PACS1: variants seen among roughly 807,000 people sequenced by gnomAD.
PACS1 encodes phosphofurin acidic cluster sorting protein 1.
Under a neutral mutation model 115.0 loss-of-function variants are expected in PACS1, and 24 were observed. That is an observed-to-expected ratio of 0.21 (90% CI 0.15 to 0.29). PACS1 has a LOEUF of 0.29. Ranked by LOEUF, PACS1 falls within the 10% of genes least tolerant of loss-of-function variation. The pLI is 1.00. For synonymous variants in PACS1, 453 were observed against 504.5 expected (o/e 0.90, Z 1.37); for missense variants, 838 against 1,251.2 (o/e 0.67, Z 4.98).
chr11:66,227,255 G>A (rs761623636), intron 10 of PACS1, among the ~76,000 whole-genome samples: 14 of 152,118 alleles, frequency 9.2e-5, no homozygotes, highest in Non-Finnish European at 1.9e-4. Flanking sequence ...GTGACACCTC[G>A]TGGAGTCAGA....
chr11:66,158,979 C>T (rs1565128393), intron 1 of PACS1, among the ~76,000 whole-genome samples: 1 of 152,100 alleles, frequency 6.6e-6, no homozygotes, highest in Non-Finnish European at 1.5e-5. Flanking sequence ...AGAGAAAAGT[C>T]ACATAAAAAT....
chr11:66,221,074 A>G, intron 9 of PACS1, 80 bp from the exon 10 acceptor site: 1 of 1,364,776 alleles, frequency 7.3e-7, no homozygotes, highest in Non-Finnish European at 1.0e-6. Context: ...ACCCACCCTG[A>G]ATGCCAGCTC....
chr11:66,093,083 T>C (rs1321754211), intron 1 of PACS1, among the ~76,000 whole-genome samples: 4 of 151,462 alleles, frequency 2.6e-5, no homozygotes, highest in African/African-American at 9.8e-5. Context: ...GGGGATGGCA[T>C]TGAATCTATA....
chr11:66,085,022 G>C (rs967145858), intron 1 of PACS1, among the ~76,000 whole-genome samples: 4 of 152,174 alleles, frequency 2.6e-5, no homozygotes, highest in Non-Finnish European at 5.9e-5. Context: ...TGTGTTTGCT[G>C]TCTGGTGTCC....
At chr11:66,113,718 A>G (rs940856437) in intron 1 of PACS1, among the ~76,000 whole-genome samples, 3 of 152,220 alleles carry the variant, frequency 2.0e-5, no homozygotes, top group African/African-American at 7.2e-5. Context: ...TGAAAGCTGT[A>G]TAGAGATTTG....
At chr11:66,163,196 G>A (rs534489) in intron 1 of PACS1, among the ~76,000 whole-genome samples, 38,529 of 151,494 alleles carry the variant, frequency 0.25, 5,851 homozygotes, top group South Asian at 0.46. Context: ...CAAACAATAC[G>A]GAAATTAGTT....
intron 1 of PACS1, among the ~76,000 whole-genome samples, chr11:66,075,635 C>T (rs1204935448): frequency 2.0e-5 from 3 of 151,818 alleles, no homozygotes; most frequent in African/African-American, 4.8e-5. Context: ...TCTATAGAAG[C>T]ATGGGAGAAA....
At chr11:66,199,263 C>T (rs968140170) in intron 2 of PACS1, among the ~76,000 whole-genome samples, 19 of 149,608 alleles carry the variant, frequency 1.3e-4, no homozygotes, top group Admixed American at 2.0e-4. Context: ...TGCAGTGAGC[C>T]GAGATCGCAC....
intron 2 of PACS1, among the ~76,000 whole-genome samples, chr11:66,202,739 AAAAATATATATATAT>A (rs1358880583): frequency 2.7e-5 from 2 of 73,058 alleles, no homozygotes; most frequent in African/African-American, 5.6e-5. Flanking sequence ...AAAAAAAAAA[AAAAATATATATATAT>A]ATATATATAT....
At chr11:66,104,911 A>C (rs940259481) in intron 1 of PACS1, among the ~76,000 whole-genome samples, 1 of 152,182 alleles carries the variant, frequency 6.6e-6, no homozygotes, top group Non-Finnish European at 1.5e-5. Context: ...AGTGCCAGAC[A>C]TTTAGTAGGC....
Position 66,230,599 on chromosome 11 carries a change from C to T in PACS1, c.1426C>T (p.Pro476Ser). The stretch of plus-strand genomic sequence containing the variant: ...AGATGCCAGCACGAGTCTGGTTGTG[C>T]CGGAGAAAGTCAAAACTCCCATGAA... ...FGDASTSLVV[P>S]EKVKTPMKSS... The change falls in exon 12 of 24, where the codon CCG (proline) becomes TCG (serine). Residue 476 changes from proline to serine, a missense_variant. Pro to Ser is a moderately conservative substitution (Grantham distance 74, BLOSUM62 -1). This residue lies in a region of PACS1 where 383 missense variants were observed against 537.0 expected (regional missense o/e 0.71). Transcript: ENST00000320580. 1 of 1,614,106 alleles carries T rather than the reference C, an allele frequency of 6.2e-7. No individual in the cohort carries two copies. Among genetic ancestry groups the T allele is most frequent in the Non-Finnish European group, 8.5e-7 (1 of 1,179,990 alleles).
intron 1 of PACS1, among the ~76,000 whole-genome samples, chr11:66,162,273 C>T (rs746195141): frequency 1.3e-5 from 2 of 151,906 alleles, no homozygotes; most frequent in African/African-American, 2.4e-5. Context: ...AGGCACCCGC[C>T]ACCACGCCAG....
chr11:66,159,014 C>T (rs1200614002), intron 1 of PACS1, among the ~76,000 whole-genome samples: 1 of 152,130 alleles, frequency 6.6e-6, no homozygotes, highest in Admixed American at 6.5e-5. Flanking sequence ...GACATTAGAC[C>T]AGTTAACAAT....
chr11:66,142,622 TAAAA>T (rs757969555), intron 1 of PACS1, among the ~76,000 whole-genome samples: 5 of 125,982 alleles, frequency 4.0e-5, no homozygotes, highest in Non-Finnish European at 5.1e-5. Flanking sequence ...AGCATTTTAT[TAAAA>T]AAAAAAAAAA....
At chr11:66,225,339 C>T (rs1010822959) in intron 10 of PACS1, among the ~76,000 whole-genome samples, 7 of 152,148 alleles carry the variant, frequency 4.6e-5, no homozygotes, top group African/African-American at 1.7e-4. Flanking sequence ...CAGCTGGAGT[C>T]CTGCTGGTGT....
intron 2 of PACS1, among the ~76,000 whole-genome samples, chr11:66,201,522 A>G (rs1384218471): frequency 6.6e-6 from 1 of 152,148 alleles, no homozygotes; most frequent in Non-Finnish European, 1.5e-5. Flanking sequence ...TAAACAACTT[A>G]ATGATGCTTC....
chr11:66,114,106 G>GT (rs11462891), intron 1 of PACS1, among the ~76,000 whole-genome samples: 106,317 of 150,676 alleles, frequency 0.71, 38,972 homozygotes, highest in Non-Finnish European at 0.8. Context: ...TGTTCAGCTT[G>GT]TTTTTTTTTC....
At chr11:66,074,944 T>TTG (rs201310204) in intron 1 of PACS1, among the ~76,000 whole-genome samples, 4 of 138,184 alleles carry the variant, frequency 2.9e-5, no homozygotes, top group East Asian at 4.7e-4. Context: ...TTTTGGTGTT[T>TTG]TTTTTTTTTT....
chr11:66,128,014 CA>C (rs1204156790), intron 1 of PACS1, among the ~76,000 whole-genome samples: 1 of 152,044 alleles, frequency 6.6e-6, no homozygotes, highest in Non-Finnish European at 1.5e-5. Flanking sequence ...ATAGAATCAG[CA>C]AATTCCAAAC....
Sources: gnomAD v4.1 joint callset for allele counts (sites outside exome capture counted in the v4.1 genomes callset) on GRCh38, gnomAD v4.1.1 for gene constraint, gnomAD v4.1.1 regional missense constraint, MANE v1.5 for transcripts, NCBI Gene and HGNC (gene_info 2026-07-23, HGNC 2026-07-21) for gene names.